PDE5A: variants seen among roughly 807,000 people sequenced by gnomAD.
The protein encoded by PDE5A is phosphodiesterase 5A, also known as cGMP-specific 3',5'-cyclic phosphodiesterase.
PDE5A carries 67 observed loss-of-function variants against 110.2 expected under a neutral mutation model. The ratio of observed to expected loss-of-function variants is 0.61; its 90% confidence interval spans 0.50 to 0.75. The LOEUF (loss-of-function observed/expected upper bound fraction) is 0.75. PDE5A is among the 30% of genes least tolerant of loss of function. The pLI is 0.00. For missense variants in PDE5A, 862 were observed against 1,045.1 expected (o/e 0.82, Z 2.42); for synonymous variants, 328 against 351.2 (o/e 0.93, Z 0.74).
At chr4:119,589,109 G>A (rs1301094132) in intron 3 of PDE5A, among the ~76,000 whole-genome samples, 1 of 151,944 alleles carries the variant, frequency 6.6e-6, no homozygotes, top group Non-Finnish European at 1.5e-5. Flanking sequence ...ATATCAGTAA[G>A]AAATTTTCAG....
In PDE5A at chr4:119,539,165, A is replaced by G. The variant is rs1290442771; in HGVS notation, c.1573-146T>C. 3 of 670,742 alleles carry G rather than the reference A, an allele frequency of 4.5e-6. No individual in the cohort carries two copies. In the Admixed American group the frequency reaches 7.4e-5, roughly 16 times the overall value. 41.5% of individuals were successfully genotyped at this position (670,742 alleles called of 1,614,324 possible). A position where few individuals can be genotyped will look rare whatever the true frequency, so the allele number is the denominator to read the frequency against. ...CAAATCTTGTTTGCTGTTTTCTTCA[A>G]CAGTGAAAAACCCAGATTTAGATTC... On this transcript the variant is annotated intron_variant, in intron 10 of 20. Coordinates refer to ENST00000354960, the MANE Select transcript of PDE5A (RefSeq NM_001083.4).
chr4:119,535,603 C>T (rs2110481688), intron 11 of PDE5A, among the ~76,000 whole-genome samples: 1 of 152,196 alleles, frequency 6.6e-6, no homozygotes, highest in South Asian at 2.1e-4. Flanking sequence ...CAACTTGCAA[C>T]TAAGGATCAT....
At chr4:119,621,204 T>C (rs1254771390) in intron 1 of PDE5A, among the ~76,000 whole-genome samples, 3 of 152,248 alleles carry the variant, frequency 2.0e-5, no homozygotes, top group Non-Finnish European at 4.4e-5. Flanking sequence ...ACACTAGTTA[T>C]GGTAGACATC....
intron 1 of PDE5A, among the ~76,000 whole-genome samples, chr4:119,612,506 A>G (rs1425366989): frequency 6.6e-6 from 1 of 152,202 alleles, no homozygotes; most frequent in East Asian, 1.9e-4. Context: ...GCCTCCCCAG[A>G]AGCTGGGCAG....
At chr4:119,599,521 G>T (rs910450840) in intron 2 of PDE5A, among the ~76,000 whole-genome samples, 1 of 151,798 alleles carries the variant, frequency 6.6e-6, no homozygotes. Flanking sequence ...GAAAATTCTA[G>T]AACTGAAAAG....
At chr4:119,616,387 T>C (rs781489481) in intron 1 of PDE5A, among the ~76,000 whole-genome samples, 51 of 152,298 alleles carry the variant, frequency 3.3e-4, no homozygotes, top group Non-Finnish European at 5.6e-4. Flanking sequence ...TTGTCATAAA[T>C]GTGACTCAAA....
intron 19 of PDE5A, among the ~76,000 whole-genome samples, chr4:119,502,186 A>G (rs945699795): frequency 1.7e-4 from 26 of 151,126 alleles, no homozygotes; most frequent in African/African-American, 5.8e-4. Context: ...AACATCTATG[A>G]TGGATGTTTA....
At chr4:119,542,686 T>C in intron 9 of PDE5A, 52 bp from the exon 10 acceptor site, 1 of 1,539,830 alleles carries the variant, frequency 6.5e-7, no homozygotes, top group Admixed American at 1.7e-5. Context: ...ATCATAGTTT[T>C]TGTGGACTTT....
At chr4:119,543,083 C>CAT (rs1553925473) in intron 9 of PDE5A, 1 of 154,748 alleles carries the variant, frequency 6.5e-6, no homozygotes, top group East Asian at 1.9e-4. Context: ...CACACACACA[C>CAT]GGTTACATAC....
intron 7 of PDE5A, among the ~76,000 whole-genome samples, chr4:119,555,427 A>G (rs1727502571): frequency 6.6e-6 from 1 of 152,154 alleles, no homozygotes; most frequent in Non-Finnish European, 1.5e-5. Context: ...GGTTATATAA[A>G]TGCAGGGTTT....
At chr4:119,537,006 CTAT>C (rs1293519483) in intron 11 of PDE5A, among the ~76,000 whole-genome samples, 1 of 152,124 alleles carries the variant, frequency 6.6e-6, no homozygotes, top group Non-Finnish European at 1.5e-5. Context: ...ACAAATGTAG[CTAT>C]TATTATTATC....
intron 11 of PDE5A, among the ~76,000 whole-genome samples, chr4:119,532,497 T>C (rs1341425650): frequency 1.3e-5 from 2 of 152,046 alleles, no homozygotes; most frequent in African/African-American, 4.8e-5. Context: ...GTTCAACTTT[T>C]TATCATTATA....
At chr4:119,534,329 GCCT>G (rs55828306) in intron 11 of PDE5A, among the ~76,000 whole-genome samples, 72,187 of 151,730 alleles carry the variant, frequency 0.48, 17,499 homozygotes, top group South Asian at 0.64. Flanking sequence ...GAGAATTACT[GCCT>G]GAGCTCTGCC....
In PDE5A at chr4:119,525,628, G is replaced by C; in HGVS notation, c.1700C>G (p.Ser567Cys). The part of the protein sequence containing the change: ...TDFSFSDFEL[S>C]DLETALCTIR... ...TGTACACAGTGCTGTTTCCAGATCA[G>C]ACAGCTCAAAGTCACTGAAGCTAAA... The change falls in exon 12 of 21, where the codon TCT becomes TGT. Residue 567 changes from serine (S) to cysteine (C), a missense_variant. Ser to Cys is a moderately radical substitution (Grantham distance 112, BLOSUM62 -1). Coordinates refer to ENST00000354960, the MANE Select transcript of PDE5A (RefSeq NM_001083.4). The surrounding 1 kb of genome is among the most constrained non-coding windows in gnomAD (Gnocchi z 4.3). 1.2e-6 allele frequency: 2 copies of C among 1,613,060 alleles called. No individual in the cohort carries two copies. Among genetic ancestry groups the C allele is most frequent in the African/African-American group, 2.7e-5 (2 of 74,908 alleles).
Position 119,497,348 on chromosome 4 carries a change from G to C in PDE5A, c.*1253C>G, listed in dbSNP as rs1725112713. The stretch of plus-strand genomic sequence containing the variant: ...TAAATGTGTCTTTAGGGGCACACAT[G>C]TAGAATATTAATCCACTTAAATGGG... On this transcript the variant is annotated 3_prime_UTR_variant, in exon 21 of 21. Transcript: ENST00000354960. 6.6e-6 allele frequency: 1 copy of C among 152,034 alleles called. No homozygotes were observed. The allele number at this position is 152,034 out of a possible 1,614,324, so 9.4% of individuals were successfully genotyped here.
intron 3 of PDE5A, among the ~76,000 whole-genome samples, chr4:119,571,001 G>C (rs1728122237): frequency 6.6e-6 from 1 of 152,102 alleles, no homozygotes; most frequent in Admixed American, 6.5e-5. Flanking sequence ...TAACTACTAA[G>C]TGCCTTTATG....
At position 119,628,700 on chromosome 4, in the gene PDE5A, C is replaced by T; in HGVS notation, c.-29G>A. Reference sequence around the variant, plus strand: ...TGGCACCGCGCGCCTCGGAGGCTCTCTGGTACTGCTTTTCCACCCCAGCTG... The same window carrying T: ...TGGCACCGCGCGCCTCGGAGGCTCTTTGGTACTGCTTTTCCACCCCAGCTG... On this transcript the variant is annotated 5_prime_UTR_variant, in exon 1 of 21. Coordinates refer to ENST00000354960, the MANE Select transcript of PDE5A (RefSeq NM_001083.4). The T allele has an allele frequency of 6.2e-7, 1 of 1,606,942 alleles. No homozygotes were observed. The highest frequency in any genetic ancestry group is 8.5e-7 in the Non-Finnish European group (1 of 1,179,446).
intron 7 of PDE5A, among the ~76,000 whole-genome samples, chr4:119,558,048 CT>C (rs1371772354): frequency 2.0e-5 from 3 of 152,098 alleles, no homozygotes; most frequent in Non-Finnish European, 2.9e-5. Flanking sequence ...ACTAAAATAT[CT>C]ACTTCTTAAA....
intron 13 of PDE5A, among the ~76,000 whole-genome samples, 190 bp downstream of exon 13, chr4:119,520,745 G>A (rs548688245): frequency 1.3e-5 from 2 of 152,206 alleles, no homozygotes; most frequent in East Asian, 3.9e-4. Context: ...ATATATGGAA[G>A]AAAATTAGCA....
Sources: allele counts gnomAD v4.1 joint callset (sites outside exome capture counted in the v4.1 genomes callset), GRCh38; gene constraint gnomAD v4.1.1; non-coding constraint Gnocchi (gnomAD v3.1); transcripts MANE v1.5; gene names NCBI Gene and HGNC (gene_info 2026-07-23, HGNC 2026-07-21).